Variants in SUCLG2 observed in about 807,000 individuals in gnomAD.
SUCLG2 encodes succinate-CoA ligase GDP-forming subunit beta.
Under a neutral mutation model 47.9 loss-of-function variants are expected in SUCLG2, and 42 were observed. That is an observed-to-expected ratio of 0.88 (90% CI 0.69 to 1.14). SUCLG2 has a LOEUF of 1.14. Among genes scored for constraint, SUCLG2 ranks in the 50% most tolerant of loss-of-function variants. The pLI is 0.00. For missense variants in SUCLG2, 571 were observed against 525.9 expected (o/e 1.09, Z -0.84); for synonymous variants, 195 against 197.3 (o/e 0.99, Z 0.10).
intron 1 of SUCLG2, among the ~76,000 whole-genome samples, chr3:67,642,271 G>A (rs994208839): frequency 9.9e-5 from 15 of 152,168 alleles, no homozygotes; most frequent in African/African-American, 3.6e-4. Flanking sequence ...CAACAAGGAA[G>A]TTGTTTAAGA....
intron 1 of SUCLG2, among the ~76,000 whole-genome samples, chr3:67,625,856 A>T (rs1479036527): frequency 6.6e-6 from 1 of 151,942 alleles, no homozygotes; most frequent in African/African-American, 2.4e-5. Context: ...TGTCTAAACC[A>T]AGCTGCTATA....
At chr3:67,472,286 TA>T (rs2106988732) in intron 9 of SUCLG2, among the ~76,000 whole-genome samples, 1 of 152,308 alleles carries the variant, frequency 6.6e-6, no homozygotes, top group South Asian at 2.1e-4. Flanking sequence ...CATTAAAAAA[TA>T]TTTTTTTAAA....
chr3:67,501,664 T>G (rs1485403695), intron 7 of SUCLG2, among the ~76,000 whole-genome samples: 1 of 152,132 alleles, frequency 6.6e-6, no homozygotes, highest in African/African-American at 2.4e-5. Flanking sequence ...CTTGGAAATT[T>G]CAGCCCCACC....
intron 9 of SUCLG2, among the ~76,000 whole-genome samples, chr3:67,493,196 T>C (rs892789380): frequency 1.3e-5 from 2 of 152,206 alleles, no homozygotes; most frequent in African/African-American, 4.8e-5. Flanking sequence ...AACTCATCTA[T>C]ACTATTTTTT....
At chr3:67,495,667 AGAT>A in intron 9 of SUCLG2, 128 bp downstream of exon 9, 1 of 1,062,034 alleles carries the variant, frequency 9.4e-7, no homozygotes. Context: ...AAAAAAAAAA[AGAT>A]AGAAGTTGCA....
At chr3:67,490,133 C>T (rs936024360) in intron 9 of SUCLG2, among the ~76,000 whole-genome samples, 2 of 152,248 alleles carry the variant, frequency 1.3e-5, no homozygotes, top group Non-Finnish European at 1.5e-5. Flanking sequence ...ACTGGTTATT[C>T]AAATCAACTC....
chr3:67,604,825 T>C (rs903681391), intron 2 of SUCLG2, among the ~76,000 whole-genome samples: 1 of 152,238 alleles, frequency 6.6e-6, no homozygotes, highest in African/African-American at 2.4e-5. Flanking sequence ...ACAGATATGA[T>C]TAATGTCACA....
At chr3:67,404,733 G>C (rs1702764613) in intron 9 of SUCLG2, among the ~76,000 whole-genome samples, 2 of 151,968 alleles carry the variant, frequency 1.3e-5, no homozygotes, top group Admixed American at 1.3e-4. Context: ...TTTAACTCTG[G>C]GCCAACTTCT....
chr3:67,403,950 A>G (rs575975496), intron 9 of SUCLG2, among the ~76,000 whole-genome samples: 2 of 152,310 alleles, frequency 1.3e-5, no homozygotes, highest in East Asian at 1.9e-4. Flanking sequence ...CAGTGGCACA[A>G]TCTTGACTCA....
chr3:67,564,104 T>C (rs1707390146), intron 2 of SUCLG2, among the ~76,000 whole-genome samples: 1 of 152,172 alleles, frequency 6.6e-6, no homozygotes, highest in Non-Finnish European at 1.5e-5. Context: ...TTATAATTTT[T>C]CCTACTAGAA....
In SUCLG2 at chr3:67,360,609, T is replaced by A. The variant is rs1225717958; in HGVS notation, c.*20A>T. On this transcript the variant is annotated 3_prime_UTR_variant, in exon 11 of 11. Transcript: ENST00000493112. ...AATTTGGAAAAGTAATCTCAGCAAG[T>A]ATCTTAGCAAAGTAAATCTTTAACA... 2.7e-6 allele frequency: 4 copies of A among 1,486,260 alleles called. No individual in the cohort carries two copies. The East Asian group carries it at 9.9e-5, about 37-fold the overall frequency. The allele number at this position is 1,486,260 out of a possible 1,614,324, so 92.1% of individuals were successfully genotyped here. A position where few individuals can be genotyped will look rare whatever the true frequency, so the allele number is the denominator to read the frequency against.
rs529528504 is a variant in SUCLG2, at chr3:67,485,999, G to A, written c.1062+9799C>T. 4.2e-4 allele frequency among the ~76,000 whole-genome samples: 64 copies of A among 152,308 alleles called. 1 individual carries two copies. The highest frequency in any genetic ancestry group is 1.3e-3 in the African/African-American group (53 of 41,566). On this transcript the variant is annotated intron_variant, in intron 9 of 10. Transcript: ENST00000307227. ...TTCTTTAAAAGTGTCTCAGCTTGGC[G>A]TTGTGGCTCATGTCTGTAATCCCAG...
At chr3:67,642,958 G>T (rs1340948433) in intron 1 of SUCLG2, among the ~76,000 whole-genome samples, 1 of 151,914 alleles carries the variant, frequency 6.6e-6, no homozygotes, top group Non-Finnish European at 1.5e-5. Context: ...GTGTGAGAGA[G>T]ATGGCACCCT....
chr3:67,425,254 A>T (rs553867342), intron 9 of SUCLG2, among the ~76,000 whole-genome samples: 26 of 152,340 alleles, frequency 1.7e-4, no homozygotes, highest in Non-Finnish European at 2.9e-4. Flanking sequence ...TCTGGGTATT[A>T]TCAGTGGACT....
intron 9 of SUCLG2, among the ~76,000 whole-genome samples, chr3:67,403,555 G>A (rs1702737045): frequency 6.6e-6 from 1 of 152,104 alleles, no homozygotes; most frequent in African/African-American, 2.4e-5. Flanking sequence ...AGACTAGTTT[G>A]AGAGCCAGAC....
At position 67,591,297 on chromosome 3, in the gene SUCLG2, G is replaced by C. The variant is rs192604236; in HGVS notation, c.226+18158C>G. On this transcript the variant is annotated intron_variant, in intron 2 of 10. Transcript: ENST00000307227. The stretch of plus-strand genomic sequence containing the variant: ...AAAATGAGCTGGCAGGTGGGTTAGG[G>C]TATAGCAGTAGATGAAACAGACTCT... 1.8e-3 allele frequency among the ~76,000 whole-genome samples: 276 copies of C among 152,286 alleles called. 6 individuals carry two copies. Among genetic ancestry groups the C allele is most frequent in the Non-Finnish European group, 1.9e-4 (13 of 68,016 alleles).
At chr3:67,583,390 A>G (rs1485181318) in intron 2 of SUCLG2, among the ~76,000 whole-genome samples, 1 of 152,180 alleles carries the variant, frequency 6.6e-6, no homozygotes, top group African/African-American at 2.4e-5. Context: ...TCCTTTTAAA[A>G]TATCATGTCA....
chr3:67,572,988 A>G (rs914519618), intron 2 of SUCLG2, among the ~76,000 whole-genome samples: 12 of 152,254 alleles, frequency 7.9e-5, no homozygotes, highest in African/African-American at 2.9e-4. Context: ...GATACAAAAT[A>G]AAAGATACAA....
At chr3:67,412,623 G>A (rs1702954006) in intron 9 of SUCLG2, among the ~76,000 whole-genome samples, 1 of 152,026 alleles carries the variant, frequency 6.6e-6, no homozygotes. Context: ...CGATTGTCTT[G>A]GGTGGCTGTT....
Sources: allele counts gnomAD v4.1 joint callset (sites outside exome capture counted in the v4.1 genomes callset), GRCh38; gene constraint gnomAD v4.1.1; transcripts MANE v1.5; gene names NCBI Gene and HGNC (gene_info 2026-07-23, HGNC 2026-07-21).